Variants in RALGAPB observed in about 807,000 individuals in gnomAD.
RALGAPB encodes Ral GTPase activating protein non-catalytic subunit beta, also known as ral GTPase-activating protein subunit beta.
Under a neutral mutation model 161.1 loss-of-function variants are expected in RALGAPB, and 25 were observed. The observed-to-expected ratio is 0.16, with a 90% CI of 0.11 to 0.22. The LOEUF (loss-of-function observed/expected upper bound fraction) is 0.22, where lower values mean the gene tolerates loss of function less well. Among genes scored for constraint, RALGAPB ranks in the 10% least tolerant of loss-of-function variants. RALGAPB has a pLI of 1.00. For missense variants in RALGAPB, 1,391 were observed against 1,815.2 expected (o/e 0.77, Z 4.25); for synonymous variants, 629 against 626.1 (o/e 1.00, Z -0.07).
At chr20:38,475,840 C>T (rs2084788326) in intron 1 of RALGAPB, among the ~76,000 whole-genome samples, 1 of 152,168 alleles carries the variant, frequency 6.6e-6, no homozygotes, top group African/African-American at 2.4e-5. Flanking sequence ...TCATGTCGAA[C>T]TGCTGACCTT....
At chr20:38,502,977 C>T (rs2085641392) in intron 5 of RALGAPB, among the ~76,000 whole-genome samples, 1 of 152,124 alleles carries the variant, frequency 6.6e-6, no homozygotes, top group South Asian at 2.1e-4. Context: ...GCTATTCACA[C>T]CTCCTGGGCG....
chr20:38,573,232 G>T (rs1002478544), intron 28 of RALGAPB, among the ~76,000 whole-genome samples: 6 of 151,894 alleles, frequency 4.0e-5, no homozygotes, highest in African/African-American at 1.5e-4. Flanking sequence ...AATACAATTT[G>T]ACAGTAAAAT....
chr20:38,532,636 T>A, intron 14 of RALGAPB, 94 bp from the exon 15 acceptor site: 28 of 1,470,116 alleles, frequency 1.9e-5, no homozygotes, highest in Non-Finnish European at 2.6e-5. Context: ...AGTTGGCACA[T>A]TCTGCTTTAT....
In RALGAPB at chr20:38,481,644, T is replaced by C. The variant is rs192881206; in HGVS notation, c.-30-6759T>C. 1.7e-4 allele frequency among the ~76,000 whole-genome samples: 26 copies of C among 152,344 alleles called. No homozygotes were observed. The East Asian group carries it at 5.0e-3, about 29-fold the overall frequency. On this transcript the variant is annotated intron_variant, in intron 1 of 29. Coordinates refer to ENST00000262879, the MANE Select transcript of RALGAPB (RefSeq NM_020336.4). ...GGGAGTTACAATTCAAGATGAGATT[T>C]GAGTGGGGACACAGAGCCAAACCAT...
chr20:38,535,203 C>G lies in RALGAPB; in HGVS notation c.2375C>G (p.Ala792Gly). The G allele has an allele frequency of 6.2e-7, 1 of 1,614,144 alleles. No individual in the cohort carries two copies. Reference sequence around the variant, plus strand: ...GCTCTAGAGCTCCTCTCTGGCCTTGCAAAGGTGAGGAAGACAGTCCTTTTA... The same window carrying G: ...GCTCTAGAGCTCCTCTCTGGCCTTGGAAAGGTGAGGAAGACAGTCCTTTTA... Reference protein sequence around the residue: ...LAALELLSGLAKVKVMVDSGD... With the variant: ...LAALELLSGLGKVKVMVDSGD... The change falls in exon 16 of 30, where the codon GCA becomes GGA. Residue 792 changes from alanine to glycine, a missense_variant. Ala to Gly is a moderately conservative substitution (Grantham distance 60). This residue lies in a region of RALGAPB where 946 missense variants were observed against 1,257.2 expected (regional missense o/e 0.75). Coordinates refer to ENST00000262879, the MANE Select transcript of RALGAPB (RefSeq NM_020336.4).
chr20:38,571,192 A>G (rs2088224654), intron 28 of RALGAPB, among the ~76,000 whole-genome samples: 1 of 152,162 alleles, frequency 6.6e-6, no homozygotes, highest in African/African-American at 2.4e-5. Context: ...TCTCCTGCCC[A>G]CTTAATTCAT....
At chr20:38,560,673 G>A (rs555551744) in intron 23 of RALGAPB, among the ~76,000 whole-genome samples, 14 of 152,302 alleles carry the variant, frequency 9.2e-5, no homozygotes, top group African/African-American at 3.1e-4. Context: ...GCCTGTACAA[G>A]AAGACACAAA....
intron 6 of RALGAPB, among the ~76,000 whole-genome samples, chr20:38,512,750 T>C (rs1408864486): frequency 2.0e-5 from 3 of 152,068 alleles, no homozygotes. Flanking sequence ...AGTTAAAAAT[T>C]TTATTTATTT....
At chr20:38,570,925 TGAAAC>T (rs2145535958) in intron 28 of RALGAPB, 78 bp downstream of exon 28, 2 of 987,656 alleles carry the variant, frequency 2.0e-6, no homozygotes, top group Non-Finnish European at 3.1e-6. Flanking sequence ...TAAGGAATTA[TGAAAC>T]GAAAGAGTTG....
At chr20:38,563,760 C>G (rs938063684) in intron 24 of RALGAPB, among the ~76,000 whole-genome samples, 1 of 152,202 alleles carries the variant, frequency 6.6e-6, no homozygotes, top group South Asian at 2.1e-4. Context: ...GCCCATGTAA[C>G]TAAAAATTCC....
chr20:38,511,194 T>C (rs184374299), intron 6 of RALGAPB, among the ~76,000 whole-genome samples: 227 of 152,296 alleles, frequency 1.5e-3, no homozygotes, highest in African/African-American at 5.3e-3. Flanking sequence ...CCACACTTAA[T>C]TGCAAGAGAA....
chr20:38,516,337 C>T lies in RALGAPB; in HGVS notation c.1018C>T (p.Arg340Cys), dbSNP rs775231049. 3.1e-6 allele frequency: 5 copies of T among 1,613,748 alleles called. No homozygotes were observed. The South Asian group carries it at 3.3e-5, about 11-fold the overall frequency. ...GCCTCAAATATTTTTTCGTGCCATG[C>T]GTGGAATCAGCTGTCTGGTGGATGC... ...HLPQIFFRAM[R>C]GISCLVDAFL... Residue 340 changes from arginine to cysteine, a missense_variant, in exon 7 of 30, where the codon CGT becomes TGT. Coordinates refer to ENST00000262879, the MANE Select transcript of RALGAPB (RefSeq NM_020336.4).
At chr20:38,488,724 A>G in intron 2 of RALGAPB, 106 bp downstream of exon 2, 2 of 1,100,506 alleles carry the variant, frequency 1.8e-6, no homozygotes, top group East Asian at 2.6e-5. Context: ...AAAGAGCTGT[A>G]GTAGAATAAC....
intron 23 of RALGAPB, 47 bp from the exon 24 acceptor site, chr20:38,562,485 A>G (rs1568978942): frequency 1.4e-6 from 2 of 1,434,916 alleles, no homozygotes; most frequent in East Asian, 2.4e-5. Context: ...ATTTTGATAT[A>G]TTATTTTGTT....
chr20:38,565,115 C>T (rs1171586503), intron 24 of RALGAPB, among the ~76,000 whole-genome samples: 5 of 151,998 alleles, frequency 3.3e-5, no homozygotes, highest in Non-Finnish European at 7.4e-5. Context: ...GAATTAAAAG[C>T]CCTGCTAATC....
intron 20 of RALGAPB, among the ~76,000 whole-genome samples, chr20:38,549,219 T>G (rs1359707438): frequency 1.3e-5 from 2 of 152,088 alleles, no homozygotes; most frequent in East Asian, 1.9e-4. Flanking sequence ...TGGTAATATA[T>G]TGTATAAATT....
chr20:38,566,095 CTTCT>C (rs1213931938), intron 25 of RALGAPB, among the ~76,000 whole-genome samples: 1 of 152,190 alleles, frequency 6.6e-6, no homozygotes, highest in Admixed American at 6.5e-5. Flanking sequence ...ACTTCACCTT[CTTCT>C]TTGAGATCAT....
chr20:38,513,756 C>T (rs185298524), intron 6 of RALGAPB, among the ~76,000 whole-genome samples: 2 of 152,074 alleles, frequency 1.3e-5, no homozygotes, highest in Admixed American at 1.3e-4. Context: ...CTTCTTTCAT[C>T]TGTTGATGTG....
intron 20 of RALGAPB, among the ~76,000 whole-genome samples, chr20:38,550,153 G>A (rs112213025): frequency 0.073 from 11,141 of 152,224 alleles, 1,426 homozygotes; most frequent in African/African-American, 0.25. Context: ...GTCGGGTAGG[G>A]GGAGTGGGGA....
Sources: allele counts gnomAD v4.1 joint callset (sites outside exome capture counted in the v4.1 genomes callset), GRCh38; gene constraint gnomAD v4.1.1; regional missense constraint gnomAD v4.1.1; transcripts MANE v1.5; gene names NCBI Gene and HGNC (gene_info 2026-07-23, HGNC 2026-07-21).